Variants in MITF observed in about 807,000 individuals in gnomAD.
MITF encodes the protein microphthalmia-associated transcription factor.
Under a neutral mutation model 60.5 loss-of-function variants are expected in MITF, and 17 were observed. The ratio of observed to expected loss-of-function variants is 0.28; its 90% CI spans 0.19 to 0.42. The LOEUF is 0.42. MITF is among the 10% of genes least tolerant of loss of function. The pLI is 1.00. For missense variants in MITF, 622 were observed against 683.5 expected, an observed-to-expected ratio of 0.91 and a Z score of 1.00; for synonymous variants, 260 against 248.5, an observed-to-expected ratio of 1.05 and a Z score of -0.43.
At chr3:69,951,009 G>C (rs894922625) in intron 6 of MITF, among the ~76,000 whole-genome samples, 1 of 150,508 alleles carries the variant, frequency 6.6e-6, no homozygotes, top group Non-Finnish European at 1.5e-5. Flanking sequence ...GGTTTTAACA[G>C]AATCTGGCAC....
At chr3:69,767,884 G>C (rs1340200071) in intron 1 of MITF, among the ~76,000 whole-genome samples, 1 of 152,184 alleles carries the variant, frequency 6.6e-6, no homozygotes, top group Admixed American at 6.5e-5. Context: ...CACATGCATC[G>C]TTCAGCCCTG....
intron 8 of MITF, among the ~76,000 whole-genome samples, chr3:69,958,633 C>G (rs904895196): frequency 6.6e-6 from 1 of 151,484 alleles, no homozygotes; most frequent in African/African-American, 2.4e-5. Flanking sequence ...GTAGTGAGAT[C>G]TCACAGATCT....
chr3:69,757,322 A>C (rs1399484366), intron 1 of MITF, among the ~76,000 whole-genome samples: 1 of 152,218 alleles, frequency 6.6e-6, no homozygotes, highest in Non-Finnish European at 1.5e-5. Flanking sequence ...CTTACTAACC[A>C]AAACTTGACT....
intron 2 of MITF, among the ~76,000 whole-genome samples, chr3:69,919,025 C>T (rs371386024): frequency 1.3e-4 from 20 of 152,170 alleles, no homozygotes; most frequent in Non-Finnish European, 2.2e-4. Context: ...TGTCTCTTCT[C>T]GCTCGTTCTC....
At chr3:69,918,797 C>T (rs903053059) in intron 2 of MITF, among the ~76,000 whole-genome samples, 2 of 152,138 alleles carry the variant, frequency 1.3e-5, no homozygotes, top group Admixed American at 1.3e-4. Flanking sequence ...GTTAACCTTC[C>T]TCTCTTATTT....
At chr3:69,856,292 A>G (rs1334955744) in intron 1 of MITF, among the ~76,000 whole-genome samples, 1 of 152,160 alleles carries the variant, frequency 6.6e-6, no homozygotes, top group Non-Finnish European at 1.5e-5. Flanking sequence ...TAAATATTAC[A>G]TGTTTTAAAG....
At chr3:69,760,542 A>C (rs2062197449) in intron 1 of MITF, among the ~76,000 whole-genome samples, 1 of 152,212 alleles carries the variant, frequency 6.6e-6, no homozygotes, top group African/African-American at 2.4e-5. Context: ...ATCAAGGTAC[A>C]GGTTACTCAG....
chr3:69,938,929 G>A, intron 3 of MITF, 169 bp from the exon 4 acceptor site: 1 of 1,497,856 alleles, frequency 6.7e-7, no homozygotes, highest in Non-Finnish European at 8.9e-7. Context: ...CATCTAGCAA[G>A]ATGATTTGAC....
At chr3:69,775,011 A>G (rs1410908843) in intron 1 of MITF, among the ~76,000 whole-genome samples, 1 of 151,898 alleles carries the variant, frequency 6.6e-6, no homozygotes. Flanking sequence ...CATCTTGAAC[A>G]TTTTCCTGCC....
intron 1 of MITF, among the ~76,000 whole-genome samples, chr3:69,740,601 T>G (rs1241143364): frequency 6.6e-6 from 1 of 152,180 alleles, no homozygotes; most frequent in Non-Finnish European, 1.5e-5. Context: ...TTGGGTGTCT[T>G]CCGTTCTCTC....
intron 2 of MITF, among the ~76,000 whole-genome samples, chr3:69,911,360 G>T (rs2065221058): frequency 6.6e-6 from 1 of 152,146 alleles, no homozygotes; most frequent in African/African-American, 2.4e-5. Context: ...CAGGAGTGAA[G>T]TGACATGATC....
chr3:69,855,583 A>G (rs1325438069), intron 1 of MITF, among the ~76,000 whole-genome samples: 2 of 152,222 alleles, frequency 1.3e-5, no homozygotes, highest in Non-Finnish European at 2.9e-5. Context: ...GTACAACACA[A>G]AACCTGCTCA....
At chr3:69,811,892 G>C (rs939415915) in intron 1 of MITF, among the ~76,000 whole-genome samples, 3 of 152,194 alleles carry the variant, frequency 2.0e-5, no homozygotes, top group Admixed American at 2.0e-4. Flanking sequence ...CCATGAGACA[G>C]AGAGACGGAC....
chr3:69,850,622 A>ATTT (rs1174853485), intron 1 of MITF, among the ~76,000 whole-genome samples: 2 of 152,158 alleles, frequency 1.3e-5, no homozygotes, highest in Non-Finnish European at 2.9e-5. Context: ...TTGAGTCTTA[A>ATTT]AGACTTAGAA....
At chr3:69,840,914 C>G (rs937721793) in intron 1 of MITF, among the ~76,000 whole-genome samples, 1 of 152,036 alleles carries the variant, frequency 6.6e-6, no homozygotes, top group Admixed American at 6.5e-5. Context: ...TGCCACCATG[C>G]CCAGCTAAGT....
chr3:69,957,606 C>G (rs2066431232), intron 8 of MITF, among the ~76,000 whole-genome samples: 1 of 152,184 alleles, frequency 6.6e-6, no homozygotes, highest in Non-Finnish European at 1.5e-5. Flanking sequence ...CCTTCATTTC[C>G]TATAGTCAGT....
At chr3:69,917,621 A>G (rs1272034851) in intron 2 of MITF, among the ~76,000 whole-genome samples, 2 of 152,118 alleles carry the variant, frequency 1.3e-5, no homozygotes, top group Admixed American at 1.3e-4. Flanking sequence ...GCAAAGGGCT[A>G]TTTGTAGCTG....
At chr3:69,835,986 A>AT (rs1458326805) in intron 1 of MITF, among the ~76,000 whole-genome samples, 4 of 150,966 alleles carry the variant, frequency 2.6e-5, no homozygotes, top group Non-Finnish European at 3.0e-5. Context: ...GAATTTTAGG[A>AT]TTTTTTTTCT....
intron 2 of MITF, among the ~76,000 whole-genome samples, chr3:69,915,358 C>T (rs2065310634): frequency 6.6e-6 from 1 of 151,884 alleles, no homozygotes; most frequent in Non-Finnish European, 1.5e-5. Context: ...AATAGATTTC[C>T]TTTAAACACA....
Sources: allele counts gnomAD v4.1 joint callset (sites outside exome capture counted in the v4.1 genomes callset), GRCh38; gene constraint gnomAD v4.1.1; transcripts MANE v1.5; gene names NCBI Gene and HGNC (gene_info 2026-07-23, HGNC 2026-07-21).